The following TMEM132C variants were observed in gnomAD, a reference collection of about 807,000 sequenced individuals.
TMEM132C encodes the protein transmembrane protein 132C, also known as protein phosphatase 1, regulatory subunit 152.
TMEM132C carries 29 observed loss-of-function variants against 61.4 expected under a neutral mutation model. That is an observed-to-expected ratio of 0.47 (90% CI 0.35 to 0.64). TMEM132C has a LOEUF of 0.64. Among genes scored for constraint, TMEM132C ranks in the 30% least tolerant of loss-of-function variants. TMEM132C has a pLI of 0.00. For missense variants in TMEM132C, 1,408 were observed against 1,476.9 expected (o/e 0.95, Z 0.76); for synonymous variants, 656 against 633.1 (o/e 1.04, Z -0.54).
At chr12:128,287,774 A>G (rs1343153477) in intron 1 of TMEM132C, among the ~76,000 whole-genome samples, 1 of 152,162 alleles carries the variant, frequency 6.6e-6, no homozygotes, top group African/African-American at 2.4e-5. Flanking sequence ...CCAGCATCTC[A>G]TGCTGTGCTT....
At chr12:128,485,732 G>T (rs1871471075) in intron 2 of TMEM132C, among the ~76,000 whole-genome samples, 1 of 152,140 alleles carries the variant, frequency 6.6e-6, no homozygotes, top group African/African-American at 2.4e-5. Context: ...GGGATGCAAT[G>T]AACCTCCAGT....
At chr12:128,698,005 C>T (rs764233086) in intron 8 of TMEM132C, among the ~76,000 whole-genome samples, 6 of 152,190 alleles carry the variant, frequency 3.9e-5, no homozygotes, top group South Asian at 4.1e-4. Flanking sequence ...TTGCTCACAG[C>T]GAATGGGTCT....
chr12:128,278,745 C>CGTGTGTGTGTGTGT lies in TMEM132C; in HGVS notation c.85+11262_85+11263insGTGTGTGTGTGTGT, dbSNP rs201012004. 2.1e-3 allele frequency among the ~76,000 whole-genome samples: 281 copies of CGTGTGTGTGTGTGT among 135,654 alleles called. 2 individuals are homozygous for CGTGTGTGTGTGTGT. The highest frequency in any genetic ancestry group is 2.9e-3 in the Non-Finnish European group (188 of 64,194). The allele number at this position is 135,654 out of a possible 152,430, so 89.0% of individuals were successfully genotyped here. ...ATATTTGTGCAGACTTGATTCTATA[C>CGTGTGTGTGTGTGT]GTGTATGTGTGTGTGTGTGTGTGTG... On this transcript the variant is annotated intron_variant, in intron 1 of 8. Transcript: ENST00000435159. The surrounding 1 kb of genome is among the most constrained non-coding windows in gnomAD (Gnocchi z 4.2).
rs769595259 is a variant in TMEM132C at position 128,696,078 on chromosome 12, G to A, written c.1904G>A (p.Arg635Gln). The A allele has an allele frequency of 2.6e-5, 40 of 1,551,648 alleles. No homozygotes were observed. Among genetic ancestry groups the A allele is most frequent in the African/African-American group, 2.1e-4 (15 of 73,160 alleles). Residue 635 changes from arginine (R) to glutamine (Q), a missense_variant, in exon 7 of 9, where the codon CGA becomes CAA. By Grantham distance (43) the Arg-to-Gln change is conservative (BLOSUM62 1). Transcript: ENST00000435159. Reference sequence around the variant, plus strand: ...CAGGACAGCCGGGTCCTGGTTGGGCGAGAGGTTGGGATGACGACCATCCAG... The same window carrying A: ...CAGGACAGCCGGGTCCTGGTTGGGCAAGAGGTTGGGATGACGACCATCCAG... The part of the protein sequence containing the change: ...TLQDSRVLVG[R>Q]EVGMTTIQVL...
chr12:128,671,321 G>C (rs1954529555), intron 5 of TMEM132C, among the ~76,000 whole-genome samples: 1 of 152,064 alleles, frequency 6.6e-6, no homozygotes, highest in African/African-American at 2.4e-5. Flanking sequence ...TGCAATTCCT[G>C]GTGTTTCCCA....
chr12:128,345,215 G>C (rs894850516), intron 1 of TMEM132C, among the ~76,000 whole-genome samples: 2 of 152,024 alleles, frequency 1.3e-5, no homozygotes, highest in African/African-American at 4.8e-5. Flanking sequence ...CTCCATCCAT[G>C]CCCCTGCGAA....
chr12:128,588,712 C>A (rs1218062351), intron 3 of TMEM132C, among the ~76,000 whole-genome samples: 5 of 152,174 alleles, frequency 3.3e-5, no homozygotes, highest in Admixed American at 3.3e-4. Context: ...CCACAGAGAG[C>A]TCCCTCTTTC....
intron 2 of TMEM132C, among the ~76,000 whole-genome samples, chr12:128,508,854 A>G (rs1703305739): frequency 6.6e-6 from 1 of 152,114 alleles, no homozygotes. Flanking sequence ...ATACCATATC[A>G]TATCATGTCA....
chr12:128,565,582 A>G (rs1261247623), intron 3 of TMEM132C, among the ~76,000 whole-genome samples: 2 of 152,256 alleles, frequency 1.3e-5, no homozygotes, highest in Non-Finnish European at 2.9e-5. Context: ...AAGCATCTCC[A>G]TGGATATCAT....
rs748918584 is a variant in TMEM132C, at chr12:128,566,852, G to T, written c.1121+22749G>T. On this transcript the variant is annotated intron_variant, in intron 3 of 8. Coordinates refer to ENST00000435159, the MANE Select transcript of TMEM132C (RefSeq NM_001136103.3). ...CTAAACTCTATGTCTAGGTTTCCTC[G>T]TCTTTAAAATAGTGATGACATTAAT... Among the ~76,000 whole-genome samples the T allele has an allele frequency of 2.0e-5, 3 of 152,276 alleles. No homozygotes were observed. In the South Asian group the frequency reaches 6.2e-4, roughly 32 times the overall value.
chr12:128,431,477 A>C (rs368365393), intron 2 of TMEM132C, among the ~76,000 whole-genome samples: 1 of 152,100 alleles, frequency 6.6e-6, no homozygotes, highest in Non-Finnish European at 1.5e-5. Context: ...AGGTGGCTGC[A>C]CTAAACAGCA....
intron 5 of TMEM132C, among the ~76,000 whole-genome samples, chr12:128,678,436 T>C (rs968137201): frequency 6.6e-6 from 1 of 152,220 alleles, no homozygotes; most frequent in Non-Finnish European, 1.5e-5. Context: ...TTAAATGGCA[T>C]GCTTAAGAGC....
At chr12:128,631,186 C>G (rs373188895) in intron 4 of TMEM132C, among the ~76,000 whole-genome samples, 1 of 152,214 alleles carries the variant, frequency 6.6e-6, no homozygotes, top group African/African-American at 2.4e-5. Context: ...TGTGTCTGCA[C>G]TGTCCACTCT....
intron 2 of TMEM132C, among the ~76,000 whole-genome samples, chr12:128,515,664 T>G (rs1259587167): frequency 1.3e-5 from 2 of 152,056 alleles, no homozygotes; most frequent in African/African-American, 4.8e-5. Context: ...AAACCCCGTC[T>G]CTACTAAAAA....
intron 2 of TMEM132C, among the ~76,000 whole-genome samples, chr12:128,531,944 T>C (rs1045324498): frequency 6.6e-6 from 1 of 152,190 alleles, no homozygotes; most frequent in Admixed American, 6.6e-5. Context: ...GGAAACCAGC[T>C]CGCATTATTA....
Position 128,695,930 on chromosome 12 carries a change from G to C in TMEM132C, c.1756G>C (p.Val586Leu). The C allele has an allele frequency of 6.4e-7, 1 of 1,551,758 alleles. No individual in the cohort carries two copies. ...HATVRVLTQFVSEGAGPWGQP... is the reference protein window; with the variant it reads ...HATVRVLTQFLSEGAGPWGQP... ...CACCGTGCGGGTCCTCACCCAGTTT[G>C]TGTCTGAGGGCGCCGGTCCATGGGG... is the stretch of plus-strand genomic sequence containing the variant. Residue 586 changes from valine (V) to leucine (L), a missense_variant, in exon 7 of 9, where the codon GTG (valine) becomes CTG (leucine). Coordinates refer to ENST00000435159, the MANE Select transcript of TMEM132C (RefSeq NM_001136103.3).
At chr12:128,538,995 G>T (rs181460957) in intron 2 of TMEM132C, among the ~76,000 whole-genome samples, 115 of 152,036 alleles carry the variant, frequency 7.6e-4, no homozygotes, top group Non-Finnish European at 1.3e-3. Context: ...TCTTTTTCTT[G>T]ATTTTCTGTA....
chr12:128,533,748 A>C (rs1178681459), intron 2 of TMEM132C, among the ~76,000 whole-genome samples: 1 of 152,194 alleles, frequency 6.6e-6, no homozygotes, highest in African/African-American at 2.4e-5. Flanking sequence ...TTAGGATTTC[A>C]ACATATGGAT....
intron 3 of TMEM132C, among the ~76,000 whole-genome samples, chr12:128,554,301 C>T (rs749333857): frequency 1.4e-4 from 22 of 152,178 alleles, no homozygotes; most frequent in Non-Finnish European, 2.6e-4. Flanking sequence ...CCATGCCCTG[C>T]AGGCTGTGAG....
Sources: gnomAD v4.1 joint callset for allele counts (sites outside exome capture counted in the v4.1 genomes callset) on GRCh38, gnomAD v4.1.1 for gene constraint, Gnocchi (gnomAD v3.1) non-coding constraint, MANE v1.5 for transcripts, NCBI Gene and HGNC (gene_info 2026-07-23, HGNC 2026-07-21) for gene names.